SPEF1: variants seen among roughly 807,000 people sequenced by gnomAD.
SPEF1 encodes the protein sperm flagellar and cilia associated 1, also known as sperm flagella and cilia-associated protein 1.
SPEF1 carries 30 observed loss-of-function variants against 31.8 expected under a neutral mutation model. The observed-to-expected ratio is 0.94, with a 90% CI of 0.70 to 1.28. The LOEUF (loss-of-function observed/expected upper bound fraction) is 1.28. Ranked by LOEUF, SPEF1 falls within the 50% of genes most tolerant of loss-of-function variation. The pLI is 0.00. For missense variants in SPEF1, 298 were observed against 309.6 expected (o/e 0.96, Z 0.28); for synonymous variants, 126 against 130.1 (o/e 0.97, Z 0.21).
chr20:3,779,884 T>G (rs1350342183), intron 1 of SPEF1, 109 bp from the exon 2 acceptor site: 2 of 531,784 alleles, frequency 3.8e-6, no homozygotes, highest in East Asian at 3.7e-5. Context: ...TGGAACCCAA[T>G]GGAGGGGTGG....
intron 2 of SPEF1, 28 bp downstream of exon 2, chr20:3,779,636 T>C: frequency 6.7e-7 from 1 of 1,502,576 alleles, no homozygotes; most frequent in Non-Finnish European, 9.3e-7. Context: ...CCATAGGAGA[T>C]GATGGGGCTG....
rs2281477 is a variant in SPEF1, at chr20:3,778,553, G to T, written c.480-9C>A. On this transcript the variant is annotated splice_polypyrimidine_tract_variant and intron_variant, in intron 5 of 6. Coordinates refer to ENST00000379756, the MANE Select transcript of SPEF1 (RefSeq NM_015417.5). ...CCGGCGGCCGGTCCCAGCTGGGGTG[G>T]GAAGCAGCTTAGCGGAGGCTTGGAC... is the stretch of plus-strand genomic sequence containing the variant. The T allele has an allele frequency of 6.2e-7, 1 of 1,600,292 alleles. No individual in the cohort carries two copies. The highest frequency in any genetic ancestry group is 1.1e-5 in the South Asian group (1 of 90,210).
In SPEF1 at chr20:3,778,499, C is replaced by T. The variant is rs769938225; in HGVS notation, c.525G>A (p.Ala175=). 1.2e-6 allele frequency: 2 copies of T among 1,612,654 alleles called. No individual in the cohort carries two copies. Among genetic ancestry groups the T allele is most frequent in the Non-Finnish European group, 8.5e-7 (1 of 1,179,786 alleles). Reference sequence around the variant, plus strand: ...GGACGAAGCTGGGGTCGCCCTGCAACGCCCGGTTATACGCTGGAGGCCGAG... The same window carrying T: ...GGACGAAGCTGGGGTCGCCCTGCAATGCCCGGTTATACGCTGGAGGCCGAG... ...PAPRPPAYNR[A]LQGDPSFVLQ... is the part of the protein sequence containing the mutation. The change falls in exon 6 of 7, where the codon GCG becomes GCA. Residue 175 remains alanine (A), a synonymous_variant. Transcript: ENST00000379756.
Position 3,778,188 on chromosome 20 carries a change from TC to T in SPEF1, c.*23del. On this transcript the variant is annotated 3_prime_UTR_variant, in exon 7 of 7. Transcript: ENST00000379756. The stretch of plus-strand genomic sequence containing the variant: ...CGGGGCTCTGGCGGGTACCCGGGCG[TC>T]CCCGCGCGGCCCGGGCCGCCGCTCA... 1 of 1,499,070 alleles carries T rather than the reference TC, an allele frequency of 6.7e-7. No homozygotes were observed. Among genetic ancestry groups the T allele is most frequent in the Non-Finnish European group, 9.0e-7 (1 of 1,112,254 alleles). The allele number at this position is 1,499,070 out of a possible 1,614,324, so 92.9% of individuals were successfully genotyped here.
rs1028884018 is a variant in SPEF1, at chr20:3,779,692, T to C, written c.193A>G (p.Lys65Glu). 6.2e-6 allele frequency: 10 copies of C among 1,613,724 alleles called. No homozygotes were observed. Among genetic ancestry groups the C allele is most frequent in the Non-Finnish European group, 8.5e-6 (10 of 1,179,828 alleles). The change falls in exon 2 of 7, where the codon AAG (lysine) becomes GAG (glutamate). Residue 65 changes from lysine (K) to glutamate (E), a missense_variant. Physicochemically the swap from Lys to Glu is moderately conservative, Grantham distance 56 (BLOSUM62 1). Transcript: ENST00000379756. ...TTCAGATGACCCCAGTTGCTGAGCTTCTGCTGGAGAGAGTTGGCGGGGACA... is the reference window on the plus strand; with the variant it reads ...TTCAGATGACCCCAGTTGCTGAGCTCCTGCTGGAGAGAGTTGGCGGGGACA... ...NYVPANSLQQ[K>E]LSNWGHLNRK...
rs535289240 is a variant in SPEF1, at chr20:3,777,585, G to A, written c.*627C>T. On this transcript the variant is annotated 3_prime_UTR_variant, in exon 7 of 7. Transcript: ENST00000379756. This position sits in a 1 kb window ranked among gnomAD's most constrained non-coding sequence, Gnocchi z 4.1. ...CGCCTCAGTACCCCGTGCGCGAGGA[G>A]GGAGGGGCGACTGCTACGGGCACAT... 6.6e-6 allele frequency: 1 copy of A among 152,478 alleles called. No homozygotes were observed. The highest frequency in any genetic ancestry group is 1.9e-4 in the East Asian group (1 of 5,180). The allele number at this position is 152,478 out of a possible 1,614,324, so 9.4% of individuals were successfully genotyped here.
chr20:3,780,626 C>T (rs1405368863), intron 1 of SPEF1, among the ~76,000 whole-genome samples: 3 of 152,180 alleles, frequency 2.0e-5, no homozygotes, highest in African/African-American at 7.2e-5. Flanking sequence ...CAAAAAGCCA[C>T]ATATGCACAC....
At chr20:3,778,693 C>G in intron 5 of SPEF1, 53 bp downstream of exon 5, 3 of 1,602,208 alleles carry the variant, frequency 1.9e-6, no homozygotes, top group Non-Finnish European at 2.6e-6. Flanking sequence ...CCAACCCCAG[C>G]TGTGTGCAGA....
chr20:3,778,846 T>C (rs2088762466), intron 4 of SPEF1, 40 bp from the exon 5 acceptor site: 2 of 1,612,084 alleles, frequency 1.2e-6, no homozygotes, highest in Admixed American at 1.7e-5. Flanking sequence ...TGCTGGAGTC[T>C]CATTCTCCTG....
intron 4 of SPEF1, 70 bp downstream of exon 4, chr20:3,778,881 C>G (rs2281478): frequency 6.2e-7 from 1 of 1,612,034 alleles, no homozygotes; most frequent in Non-Finnish European, 8.5e-7. Context: ...CTTCCACTCT[C>G]ACAAGTGACA....
In SPEF1 at chr20:3,781,204, G is replaced by A; in HGVS notation, c.84C>T (p.Asn28=). The change falls in exon 1 of 7, where the codon AAC becomes AAT. Residue 28 remains asparagine, a synonymous_variant. Transcript: ENST00000379756. ...CTCCATCGCTAAAGTCCCGGGAGAGGTTTCGCTTGGGCCGGGACAGAGGGA... is the reference window on the plus strand; with the variant it reads ...CTCCATCGCTAAAGTCCCGGGAGAGATTTCGCTTGGGCCGGGACAGAGGGA... ...DNIPLSRPKR[N]LSRDFSDGVL... is the part of the protein sequence containing the mutation. 1 of 1,614,210 alleles carries A rather than the reference G, an allele frequency of 6.2e-7. No individual in the cohort carries two copies. Among genetic ancestry groups the A allele is most frequent in the Non-Finnish European group, 8.5e-7 (1 of 1,180,032 alleles).
rs2088778948 is a variant in SPEF1 at position 3,781,406 on chromosome 20, C to G, written c.-119G>C. ...CCATAACTGCCTCTGCCTGCCTAAT[C>G]CAGAGACTCACGTCCCAGCTGGGAG... On this transcript the variant is annotated 5_prime_UTR_variant, in exon 1 of 7. Transcript: ENST00000379756. 1 of 1,421,244 alleles carries G rather than the reference C, an allele frequency of 7.0e-7. No homozygotes were observed. The highest frequency in any genetic ancestry group is 1.4e-5 in the African/African-American group (1 of 69,714). The allele number at this position is 1,421,244 out of a possible 1,614,324, so 88.0% of individuals were successfully genotyped here. A position where few individuals can be genotyped will look rare whatever the true frequency, so the allele number is the denominator to read the frequency against.
intron 3 of SPEF1, 29 bp from the exon 4 acceptor site, chr20:3,779,019 G>A (rs2146635447): frequency 6.2e-7 from 1 of 1,614,006 alleles, no homozygotes; most frequent in South Asian, 1.1e-5. Flanking sequence ...TCCGCTGTAA[G>A]CCCGGGCTCA....
Position 3,778,826 on chromosome 20 carries a change from G to A in SPEF1, c.419-20C>T. On this transcript the variant is annotated intron_variant, in intron 4 of 6. Transcript: ENST00000379756. ...ATACACCTGAGACAAGGCAAGTGGA[G>A]GAATGACTGTGCTGGAGTCTCATTC... is the stretch of plus-strand genomic sequence containing the variant. 6.2e-7 allele frequency: 1 copy of A among 1,613,826 alleles called. No homozygotes were observed. Among genetic ancestry groups the A allele is most frequent in the Non-Finnish European group, 8.5e-7 (1 of 1,179,804 alleles).
chr20:3,778,162 T>A lies in SPEF1; in HGVS notation c.*50A>T. 7.5e-7 allele frequency: 1 copy of A among 1,335,550 alleles called. No homozygotes were observed. Among genetic ancestry groups the A allele is most frequent in the Non-Finnish European group, 1.0e-6 (1 of 986,682 alleles). The allele number at this position is 1,335,550 out of a possible 1,614,324, so 82.7% of individuals were successfully genotyped here. A position where few individuals can be genotyped will look rare whatever the true frequency, so the allele number is the denominator to read the frequency against. ...ATCGGTGGGTGGGTCCGGCGCGGCG[T>A]CGGGGCTCTGGCGGGTACCCGGGCG... On this transcript the variant is annotated 3_prime_UTR_variant, in exon 7 of 7. Transcript: ENST00000379756.
Position 3,779,313 on chromosome 20 carries a change from G to A in SPEF1, c.261C>T (p.Asp87=), listed in dbSNP as rs1600362020. 18 of 1,600,840 alleles carry A rather than the reference G, an allele frequency of 1.1e-5. No homozygotes were observed. Among genetic ancestry groups the A allele is most frequent in the East Asian group, 1.1e-4 (5 of 44,514 alleles). Residue 87 remains aspartate (D), a synonymous_variant, in exon 3 of 7, where the codon GAC becomes GAT. Coordinates refer to ENST00000379756, the MANE Select transcript of SPEF1 (RefSeq NM_015417.5). ...CGCACTGCGCGATCTTGCGCATCAC[G>A]TCATCCGGTACTGAAAAGTTCAGCC... The part of the protein sequence containing the change: ...LKRLNFSVPD[D]VMRKIAQCAP...
rs754170111 is a variant in SPEF1, at chr20:3,778,201, C to A, written c.*11G>T. Reference sequence around the variant, plus strand: ...GGTACCCGGGCGTCCCCGCGCGGCCCGGGCCGCCGCTCACCGCTGCTTACG... The same window carrying A: ...GGTACCCGGGCGTCCCCGCGCGGCCAGGGCCGCCGCTCACCGCTGCTTACG... On this transcript the variant is annotated 3_prime_UTR_variant, in exon 7 of 7. Transcript: ENST00000379756. 1.3e-6 allele frequency: 2 copies of A among 1,543,590 alleles called. No homozygotes were observed. Among genetic ancestry groups the A allele is most frequent in the Non-Finnish European group, 1.7e-6 (2 of 1,144,428 alleles).
Position 3,778,175 on chromosome 20 carries a change from G to C in SPEF1, c.*37C>G, listed in dbSNP as rs761934570. The C allele has an allele frequency of 1.4e-6, 2 of 1,433,262 alleles. No individual in the cohort carries two copies. Among genetic ancestry groups the C allele is most frequent in the Non-Finnish European group, 9.4e-7 (1 of 1,063,446 alleles). The allele number at this position is 1,433,262 out of a possible 1,614,324, so 88.8% of individuals were successfully genotyped here. A position where few individuals can be genotyped will look rare whatever the true frequency, so the allele number is the denominator to read the frequency against. The stretch of plus-strand genomic sequence containing the variant: ...TCCGGCGCGGCGTCGGGGCTCTGGC[G>C]GGTACCCGGGCGTCCCCGCGCGGCC... On this transcript the variant is annotated 3_prime_UTR_variant, in exon 7 of 7. Transcript: ENST00000379756.
At chr20:3,778,845 C>T (rs756225542) in intron 4 of SPEF1, 39 bp from the exon 5 acceptor site, 2 of 1,610,062 alleles carry the variant, frequency 1.2e-6, no homozygotes, top group African/African-American at 1.3e-5. Context: ...GTGCTGGAGT[C>T]TCATTCTCCT....
Sources: allele counts gnomAD v4.1 joint callset (sites outside exome capture counted in the v4.1 genomes callset), GRCh38; gene constraint gnomAD v4.1.1; non-coding constraint Gnocchi (gnomAD v3.1); transcripts MANE v1.5; gene names NCBI Gene and HGNC (gene_info 2026-07-23, HGNC 2026-07-21).